Variants in MPPED2 observed in about 807,000 individuals in gnomAD.
MPPED2 encodes metallophosphoesterase MPPED2.
MPPED2 carries 5 observed loss-of-function variants against 33.0 expected under a neutral mutation model. That is an observed-to-expected ratio of 0.15 (90% CI 0.08 to 0.32). The LOEUF is 0.32. Ranked by LOEUF, MPPED2 falls within the 10% of genes least tolerant of loss-of-function variation. MPPED2 has a pLI of 1.00. For missense variants in MPPED2, 275 were observed against 372.1 expected, an observed-to-expected ratio of 0.74 and a Z score of 2.15; for synonymous variants, 136 against 141.9, an observed-to-expected ratio of 0.96 and a Z score of 0.29.
intron 5 of MPPED2, among the ~76,000 whole-genome samples, chr11:30,414,652 G>A (rs571283253): frequency 1.3e-5 from 2 of 151,524 alleles, no homozygotes; most frequent in South Asian, 2.1e-4. Flanking sequence ...ATTTATTCCC[G>A]GCAGTCCCAT....
intron 4 of MPPED2, among the ~76,000 whole-genome samples, chr11:30,445,820 T>C (rs1949779581): frequency 6.6e-6 from 1 of 152,270 alleles, no homozygotes; most frequent in Non-Finnish European, 1.5e-5. Flanking sequence ...TATTCCATTT[T>C]AGGTATCTAT....
At chr11:30,552,504 CT>C (rs1955763827) in intron 2 of MPPED2, among the ~76,000 whole-genome samples, 1 of 152,174 alleles carries the variant, frequency 6.6e-6, no homozygotes, top group Non-Finnish European at 1.5e-5. Context: ...TCCATTTCAT[CT>C]TTCTGCTATG....
chr11:30,457,031 C>A (rs1950307629), intron 4 of MPPED2, among the ~76,000 whole-genome samples: 1 of 152,108 alleles, frequency 6.6e-6, no homozygotes, highest in Non-Finnish European at 1.5e-5. Context: ...AAATTCCATT[C>A]CTGGTGGGGG....
At chr11:30,391,940 T>G (rs1300429198) in intron 6 of MPPED2, among the ~76,000 whole-genome samples, 2 of 152,192 alleles carry the variant, frequency 1.3e-5, no homozygotes, top group Non-Finnish European at 2.9e-5. Flanking sequence ...TTACTAAGTG[T>G]GTAATCCAGA....
intron 1 of MPPED2, among the ~76,000 whole-genome samples, chr11:30,583,071 C>A (rs887082651): frequency 6.7e-6 from 1 of 150,336 alleles, no homozygotes; most frequent in East Asian, 2.0e-4. Context: ...TTCATCCCCA[C>A]CCGTATCTCA....
At chr11:30,431,749 C>T (rs1590236521) in intron 4 of MPPED2, among the ~76,000 whole-genome samples, 1 of 151,982 alleles carries the variant, frequency 6.6e-6, no homozygotes, top group Non-Finnish European at 1.5e-5. Context: ...TTTGTTAATG[C>T]CTTAAAGGAT....
intron 2 of MPPED2, among the ~76,000 whole-genome samples, chr11:30,563,562 G>A (rs892549895): frequency 2.6e-5 from 4 of 152,116 alleles, no homozygotes; most frequent in Admixed American, 6.6e-5. Context: ...GATAGTAGGG[G>A]CAATTTCAGC....
intron 6 of MPPED2, among the ~76,000 whole-genome samples, chr11:30,397,875 A>AT (rs1327133512): frequency 2.0e-5 from 3 of 152,122 alleles, no homozygotes; most frequent in Admixed American, 1.3e-4. Flanking sequence ...TCTGAGGTTC[A>AT]TTTTTTCAAC....
At chr11:30,501,895 C>T (rs1205623175) in intron 3 of MPPED2, among the ~76,000 whole-genome samples, 1 of 152,166 alleles carries the variant, frequency 6.6e-6, no homozygotes, top group Non-Finnish European at 1.5e-5. Context: ...ACATGAACCC[C>T]TAAGGGTCCT....
At chr11:30,541,852 A>G (rs1408442940) in intron 2 of MPPED2, among the ~76,000 whole-genome samples, 1 of 152,192 alleles carries the variant, frequency 6.6e-6, no homozygotes, top group African/African-American at 2.4e-5. Context: ...TTGGCCTCCC[A>G]AAGTGTTAGG....
intron 5 of MPPED2, 47 bp downstream of exon 5, chr11:30,417,471 G>A (rs769345243): frequency 6.5e-6 from 7 of 1,078,368 alleles, no homozygotes; most frequent in Non-Finnish European, 1.0e-5. Flanking sequence ...ATTATGCCTG[G>A]AAAAAAAGGC....
chr11:30,394,360 G>A (rs968543642), intron 6 of MPPED2, among the ~76,000 whole-genome samples: 2 of 152,144 alleles, frequency 1.3e-5, no homozygotes, highest in Non-Finnish European at 2.9e-5. Context: ...TGTGTTCCAG[G>A]AGGCTCTACC....
Position 30,411,022 on chromosome 11 carries a change from C to G in MPPED2, c.*446G>C. ...CACATCTGCAAAAAAGAAGCATTAC[C>G]AAGAAAACAACAACAACAAAACATT... is the stretch of plus-strand genomic sequence containing the variant. On this transcript the variant is annotated 3_prime_UTR_variant, in exon 7 of 7. Coordinates refer to ENST00000358117, the MANE Select transcript of MPPED2 (RefSeq NM_001584.3). 1 of 985,766 alleles carries G rather than the reference C, an allele frequency of 1.0e-6. No homozygotes were observed. The highest frequency in any genetic ancestry group is 1.2e-6 in the Non-Finnish European group (1 of 829,960). 61.1% of individuals were successfully genotyped at this position (985,766 alleles called of 1,614,324 possible).
At chr11:30,435,090 G>T (rs941565731) in intron 4 of MPPED2, among the ~76,000 whole-genome samples, 4 of 152,176 alleles carry the variant, frequency 2.6e-5, no homozygotes, top group African/African-American at 9.7e-5. Context: ...GTTTGCGAGT[G>T]CATTCCTAAC....
At chr11:30,511,205 AC>A (rs1274488599) in intron 3 of MPPED2, among the ~76,000 whole-genome samples, 1 of 152,188 alleles carries the variant, frequency 6.6e-6, no homozygotes, top group Non-Finnish European at 1.5e-5. Context: ...CCATGAAATG[AC>A]CACAGTCTTT....
chr11:30,523,305 G>A (rs376273804), intron 3 of MPPED2, among the ~76,000 whole-genome samples: 1 of 152,076 alleles, frequency 6.6e-6, no homozygotes, highest in African/African-American at 2.4e-5. Context: ...AGGCAGGCTG[G>A]GGGGAGGTGG....
chr11:30,532,421 A>G (rs1419674166), intron 3 of MPPED2, among the ~76,000 whole-genome samples: 1 of 152,060 alleles, frequency 6.6e-6, no homozygotes, highest in Admixed American at 6.5e-5. Context: ...TACACTCTGG[A>G]TCCCTCTTTA....
chr11:30,481,134 A>G (rs1446813335), intron 4 of MPPED2, among the ~76,000 whole-genome samples: 1 of 152,130 alleles, frequency 6.6e-6, no homozygotes, highest in Non-Finnish European at 1.5e-5. Flanking sequence ...AAAGAATTAC[A>G]TTTCAAATCC....
At chr11:30,485,477 A>ACATTTACACATGTTACAC (rs1951701657) in intron 4 of MPPED2, among the ~76,000 whole-genome samples, 1 of 152,218 alleles carries the variant, frequency 6.6e-6, no homozygotes. Flanking sequence ...TAACAAGGTA[A>ACATTTACACATGTTACAC]ATAAGTTCTA....
Sources: gnomAD v4.1 joint callset for allele counts (sites outside exome capture counted in the v4.1 genomes callset) on GRCh38, gnomAD v4.1.1 for gene constraint, MANE v1.5 for transcripts, NCBI Gene and HGNC (gene_info 2026-07-23, HGNC 2026-07-21) for gene names.